The following XRCC1 variants were observed in gnomAD, a reference collection of about 807,000 sequenced individuals.
XRCC1 encodes X-ray repair cross complementing 1.
In XRCC1, 52 loss-of-function variants were observed where a neutral mutation model predicts 83.3. The ratio of observed to expected loss-of-function variants is 0.62; its 90% CI spans 0.50 to 0.79. The LOEUF (loss-of-function observed/expected upper bound fraction) is 0.79. Among genes scored for constraint, XRCC1 ranks in the 30% least tolerant of loss-of-function variants. XRCC1 has a pLI of 0.00. For synonymous variants in XRCC1, 281 were observed against 312.6 expected (o/e 0.90, Z 1.07); for missense variants, 793 against 823.5 (o/e 0.96, Z 0.45).
intron 3 of XRCC1, among the ~76,000 whole-genome samples, chr19:43,558,723 C>T (rs1972664995): frequency 6.6e-6 from 1 of 151,538 alleles, no homozygotes; most frequent in African/African-American, 2.4e-5. Flanking sequence ...ATAAAGAAAA[C>T]TATACATATC....
At position 43,543,445 on chromosome 19, in the gene XRCC1, C is replaced by T; in HGVS notation, c.1849G>A (p.Glu617Lys). The T allele has an allele frequency of 6.2e-7, 1 of 1,613,380 alleles. No individual in the cohort carries two copies. The highest frequency in any genetic ancestry group is 8.5e-7 in the Non-Finnish European group (1 of 1,179,962). Residue 617 changes from glutamate (E) to lysine (K), a missense_variant, in exon 17 of 17, where the codon GAG becomes AAG. Glu to Lys is a moderately conservative substitution (Grantham distance 56). Transcript: ENST00000262887. ...TGGTGAGGAAGTAACTTCTGCTTCT[C>T]ATTGCAACTGTAGATCCATCGGGGA... ...VRPRWIYSCN[E>K]KQKLLPHQLY...
chr19:43,563,266 C>T (rs1278465054), intron 2 of XRCC1, among the ~76,000 whole-genome samples: 1 of 152,170 alleles, frequency 6.6e-6, no homozygotes, highest in Non-Finnish European at 1.5e-5. Flanking sequence ...ACAGGTGAAT[C>T]GCTTGAGGTC....
Position 43,553,601 on chromosome 19 carries a change from C to T in XRCC1, c.489+8G>A, listed in dbSNP as rs1972605449. ...AGAAGGCCATGGGGAGTGACAGGTA[C>T]AGCTTACCTGGGACGGGGCCTCTGC... On this transcript the variant is annotated splice_region_variant and intron_variant, in intron 5 of 16. Coordinates refer to ENST00000262887, the MANE Select transcript of XRCC1 (RefSeq NM_006297.3). 1 of 1,605,168 alleles carries T rather than the reference C, an allele frequency of 6.2e-7. No homozygotes were observed. The highest frequency in any genetic ancestry group is 1.3e-5 in the African/African-American group (1 of 74,400).
chr19:43,563,365 C>A (rs991636275), intron 2 of XRCC1, among the ~76,000 whole-genome samples: 1 of 152,116 alleles, frequency 6.6e-6, no homozygotes. Context: ...TGGTGGTGAG[C>A]GCCTGTAATC....
At chr19:43,551,913 A>G (rs1972579905) in intron 9 of XRCC1, 104 bp downstream of exon 9, 2 of 1,307,378 alleles carry the variant, frequency 1.5e-6, no homozygotes, top group South Asian at 1.3e-5. Context: ...TGAGAGAGAG[A>G]GAAAGCATGC....
intron 15 of XRCC1, 41 bp from the exon 16 acceptor site, chr19:43,543,728 A>T (rs1215648497): frequency 6.3e-6 from 10 of 1,585,806 alleles, no homozygotes; most frequent in East Asian, 4.5e-5. Flanking sequence ...CACATCAGGG[A>T]ATCAGCACTG....
intron 14 of XRCC1, among the ~76,000 whole-genome samples, 193 bp downstream of exon 14, chr19:43,545,625 C>A (rs1240584729): frequency 6.6e-6 from 1 of 152,126 alleles, no homozygotes; most frequent in Non-Finnish European, 1.5e-5. Flanking sequence ...AAAGGCAAGT[C>A]ACAGAGAGGA....
At chr19:43,550,797 T>C (rs1484560344) in intron 10 of XRCC1, among the ~76,000 whole-genome samples, 2 of 152,302 alleles carry the variant, frequency 1.3e-5, no homozygotes, top group East Asian at 3.9e-4. Context: ...AAAACCTCTC[T>C]TGGACCTTGA....
chr19:43,556,953 C>T (rs1383079085), intron 3 of XRCC1, among the ~76,000 whole-genome samples: 4 of 151,934 alleles, frequency 2.6e-5, no homozygotes, highest in African/African-American at 9.7e-5. Context: ...GATGGTGAGC[C>T]GAGATTGTGC....
At chr19:43,548,288 T>C (rs1280852037) in intron 10 of XRCC1, among the ~76,000 whole-genome samples, 45 of 152,148 alleles carry the variant, frequency 3.0e-4, no homozygotes, top group Admixed American at 2.8e-3. Flanking sequence ...CAACAGCTCA[T>C]TGAGAACGGG....
At chr19:43,560,529 G>A (rs547633860) in intron 3 of XRCC1, among the ~76,000 whole-genome samples, 1 of 152,196 alleles carries the variant, frequency 6.6e-6, no homozygotes, top group Non-Finnish European at 1.5e-5. Context: ...ACAAGCTGAG[G>A]AGGGCAGATG....
intron 10 of XRCC1, 64 bp from the exon 11 acceptor site, chr19:43,547,041 C>A (rs890944780): frequency 2.0e-6 from 3 of 1,498,008 alleles, no homozygotes; most frequent in Non-Finnish European, 2.8e-6. Flanking sequence ...GTTCAGGAGG[C>A]AACAGCCATT....
chr19:43,557,482 T>G (rs2146057379), intron 3 of XRCC1, among the ~76,000 whole-genome samples: 1 of 152,214 alleles, frequency 6.6e-6, no homozygotes, highest in Non-Finnish European at 1.5e-5. Context: ...CACAGCTGAT[T>G]ATGCAAAGGA....
At chr19:43,555,677 C>A (rs1972628949) in intron 3 of XRCC1, among the ~76,000 whole-genome samples, 1 of 152,158 alleles carries the variant, frequency 6.6e-6, no homozygotes, top group African/African-American at 2.4e-5. Context: ...TTCCCCCAAC[C>A]CTGGGAGTGG....
intron 2 of XRCC1, among the ~76,000 whole-genome samples, chr19:43,570,952 G>A (rs1038696096): frequency 2.0e-5 from 3 of 152,182 alleles, no homozygotes; most frequent in South Asian, 2.1e-4. Context: ...GGTCTCTGAC[G>A]TGGAGTAAGT....
In XRCC1 at chr19:43,546,787, T is replaced by A. The variant is rs753579611; in HGVS notation, c.1294-60A>T. The A allele has an allele frequency of 3.0e-5, 48 of 1,589,590 alleles. No individual in the cohort carries two copies. The South Asian group carries it at 5.4e-4, about 18-fold the overall frequency. Reference sequence around the variant, plus strand: ...GAACAGTGTGGGTGTGTTGGGGGGGTACCTGCAAGAGGCAAGAGTGGGAAG... The same window carrying A: ...GAACAGTGTGGGTGTGTTGGGGGGGAACCTGCAAGAGGCAAGAGTGGGAAG... On this transcript the variant is annotated intron_variant, in intron 11 of 16. Transcript: ENST00000262887.
At chr19:43,548,802 T>G (rs1001820109) in intron 10 of XRCC1, among the ~76,000 whole-genome samples, 3 of 132,270 alleles carry the variant, frequency 2.3e-5, no homozygotes, top group Non-Finnish European at 4.8e-5. Context: ...CAGTAGCAGG[T>G]TGACACTTAC....
At chr19:43,569,888 G>A (rs12973352) in intron 2 of XRCC1, among the ~76,000 whole-genome samples, 409 of 152,236 alleles carry the variant, frequency 2.7e-3, no homozygotes, top group Non-Finnish European at 5.1e-3. Context: ...TATACCACAC[G>A]ATTCCATTTT....
Position 43,543,364 on chromosome 19 carries a change from G to T in XRCC1, c.*28C>A, listed in dbSNP as rs2307172. On this transcript the variant is annotated 3_prime_UTR_variant, in exon 17 of 17. Transcript: ENST00000262887. ...ATCGTGTGTGTGTGTGTGTGTGTGTGTGTGTGTGTGTGTGTATAGCACATA... is the reference window on the plus strand; with the variant it reads ...ATCGTGTGTGTGTGTGTGTGTGTGTTTGTGTGTGTGTGTGTATAGCACATA... 299 of 1,405,662 alleles carry T rather than the reference G, an allele frequency of 2.1e-4. No homozygotes were observed. The highest frequency in any genetic ancestry group is 1.3e-3 in the Middle Eastern group (7 of 5,306). The allele number at this position is 1,405,662 out of a possible 1,614,324, so 87.1% of individuals were successfully genotyped here. A position where few individuals can be genotyped will look rare whatever the true frequency, so the allele number is the denominator to read the frequency against.
Sources: allele counts gnomAD v4.1 joint callset (sites outside exome capture counted in the v4.1 genomes callset), GRCh38; gene constraint gnomAD v4.1.1; transcripts MANE v1.5; gene names NCBI Gene and HGNC (gene_info 2026-07-23, HGNC 2026-07-21).